LTF: variants seen among roughly 807,000 people sequenced by gnomAD.
LTF encodes the protein lactotransferrin.
Under a neutral mutation model 87.2 loss-of-function variants are expected in LTF, and 91 were observed. That is an observed-to-expected ratio of 1.04 (90% confidence interval 0.88 to 1.24). LTF has a LOEUF of 1.24. Among genes scored for constraint, LTF ranks in the 50% most tolerant of loss-of-function variants. The probability of loss-of-function intolerance (pLI) is 0.00; values close to 1 mark genes in which losing one functional copy is unlikely to be tolerated. For synonymous variants in LTF, 378 were observed against 356.1 expected (o/e 1.06, Z -0.69); for missense variants, 901 against 904.3 (o/e 1.00, Z 0.05).
chr3:46,483,590 C>T (rs533707563), intron 1 of LTF, among the ~76,000 whole-genome samples: 1 of 152,196 alleles, frequency 6.6e-6, no homozygotes, highest in East Asian at 1.9e-4. Flanking sequence ...CGTGAGGCCA[C>T]AAGATAGGGG....
chr3:46,438,213 C>G, intron 15 of LTF, 84 bp from the exon 16 acceptor site: 1 of 1,127,482 alleles, frequency 8.9e-7, no homozygotes, highest in Non-Finnish European at 1.3e-6. Flanking sequence ...TTCTTCCACC[C>G]AAGAACAGCC....
intron 1 of LTF, among the ~76,000 whole-genome samples, chr3:46,474,929 C>T (rs914820144): frequency 6.6e-6 from 1 of 152,090 alleles, no homozygotes; most frequent in African/African-American, 2.4e-5. Context: ...TACAGCATAT[C>T]AAAATGTGTG....
At chr3:46,461,830 A>G (rs907245574) in intron 1 of LTF, among the ~76,000 whole-genome samples, 1 of 152,214 alleles carries the variant, frequency 6.6e-6, no homozygotes, top group African/African-American at 2.4e-5. Context: ...CAAAAAACAA[A>G]CAAACAAAAA....
chr3:46,467,558 A>C (rs1343497497), upstream of LTF, among the ~76,000 whole-genome samples: 2 of 152,068 alleles, frequency 1.3e-5, no homozygotes, highest in Non-Finnish European at 2.9e-5. Flanking sequence ...GCATGAACCC[A>C]GTGACCAATT....
upstream of LTF, among the ~76,000 whole-genome samples, chr3:46,467,240 T>TCATC (rs1703227898): frequency 6.6e-6 from 1 of 152,094 alleles, no homozygotes; most frequent in East Asian, 1.9e-4. Context: ...ATTCATTCAT[T>TCATC]CATGCCAGAA....
chr3:46,446,188 A>G (rs533963515), intron 11 of LTF, among the ~76,000 whole-genome samples: 2 of 152,290 alleles, frequency 1.3e-5, no homozygotes, highest in East Asian at 3.9e-4. Context: ...GTGGGGAAGT[A>G]GCACCCCCCA....
At chr3:46,471,729 C>T (rs1703289193) in intron 1 of LTF, among the ~76,000 whole-genome samples, 1 of 152,312 alleles carries the variant, frequency 6.6e-6, no homozygotes, top group East Asian at 1.9e-4. Context: ...GAGATTTCTC[C>T]ATCACCCCCA....
chr3:46,483,126 C>G (rs891348251), intron 1 of LTF, among the ~76,000 whole-genome samples: 1 of 152,094 alleles, frequency 6.6e-6, no homozygotes. Flanking sequence ...TCCCACCATA[C>G]AGATACAATA....
chr3:46,445,154 A>T, intron 12 of LTF, 127 bp downstream of exon 12: 2 of 982,718 alleles, frequency 2.0e-6, no homozygotes, highest in Non-Finnish European at 2.9e-6. Flanking sequence ...GAATTTCCTT[A>T]TGCTGGAAGA....
chr3:46,441,071 A>G (rs1702504474), intron 14 of LTF, among the ~76,000 whole-genome samples: 1 of 152,172 alleles, frequency 6.6e-6, no homozygotes, highest in Admixed American at 6.5e-5. Context: ...TCCAATAGGC[A>G]TGCATGATCT....
Position 46,479,606 on chromosome 3 carries a change from C to T in LTF, c.-320+5380G>A, listed in dbSNP as rs548389833. 9.4e-4 allele frequency among the ~76,000 whole-genome samples: 143 copies of T among 152,344 alleles called. 1 individual carries two copies. Among genetic ancestry groups the T allele is most frequent in the African/African-American group, 3.2e-3 (133 of 41,578 alleles). On this transcript the variant is annotated intron_variant, in intron 1 of 19. Coordinates refer to the LTF transcript ENST00000443496. ...TGGCACGATCTCAACTCACTCCAAC[C>T]TCTGCCTCCAGGGTTCAAGCGATTC...
chr3:46,475,245 T>C (rs1010881309), intron 1 of LTF, among the ~76,000 whole-genome samples: 2 of 151,962 alleles, frequency 1.3e-5, no homozygotes, highest in African/African-American at 4.9e-5. Context: ...AAACAGATCA[T>C]CTGAATTAAG....
At chr3:46,458,079 C>T (rs537002258) in intron 2 of LTF, among the ~76,000 whole-genome samples, 10 of 152,250 alleles carry the variant, frequency 6.6e-5, no homozygotes, top group South Asian at 4.1e-4. Context: ...CCACCACGCC[C>T]GGCCTTGAGT....
At chr3:46,437,398 G>C (rs1378383183) in intron 16 of LTF, among the ~76,000 whole-genome samples, 4 of 148,020 alleles carry the variant, frequency 2.7e-5, no homozygotes, top group African/African-American at 1.0e-4. Context: ...ATAGCTCACT[G>C]CAGCTTCAAC....
intron 1 of LTF, among the ~76,000 whole-genome samples, chr3:46,481,490 C>T (rs1703431456): frequency 6.6e-6 from 1 of 152,212 alleles, no homozygotes; most frequent in Admixed American, 6.5e-5. Context: ...CCTTTACTCT[C>T]CAGAGCCCAG....
At chr3:46,481,206 G>A (rs963068327) in intron 1 of LTF, among the ~76,000 whole-genome samples, 5 of 152,208 alleles carry the variant, frequency 3.3e-5, no homozygotes, top group African/African-American at 1.2e-4. Context: ...CCCTGAGCAA[G>A]TGGTCCTGTA....
At chr3:46,456,114 C>T in intron 3 of LTF, 136 bp from the exon 4 acceptor site, 4 of 955,144 alleles carry the variant, frequency 4.2e-6, no homozygotes, top group Non-Finnish European at 6.1e-6. Flanking sequence ...GTCCTCCTCT[C>T]GTGGGTCAGC....
At chr3:46,459,420 C>T (rs1165926522) in intron 2 of LTF, among the ~76,000 whole-genome samples, 2 of 152,196 alleles carry the variant, frequency 1.3e-5, no homozygotes, top group Non-Finnish European at 2.9e-5. Flanking sequence ...TAATGAATAA[C>T]AGTTGTTATT....
At chr3:46,441,627 A>T (rs1439478372) in intron 13 of LTF, 144 bp from the exon 14 acceptor site, 1 of 646,476 alleles carries the variant, frequency 1.5e-6, no homozygotes, top group African/African-American at 1.8e-5. Flanking sequence ...TACTGTTTAC[A>T]GCGGCAGATT....
Sources: gnomAD v4.1 joint callset for allele counts (sites outside exome capture counted in the v4.1 genomes callset) on GRCh38, gnomAD v4.1.1 for gene constraint, MANE v1.5 for transcripts, NCBI Gene and HGNC (gene_info 2026-07-23, HGNC 2026-07-21) for gene names.